Variants in FAM76A observed in about 807,000 individuals in gnomAD.
The protein encoded by FAM76A is protein FAM76A.
In FAM76A, 32 loss-of-function variants were observed where a neutral mutation model predicts 46.2. That is an observed-to-expected ratio of 0.69 (90% CI 0.52 to 0.93). The LOEUF is 0.93. Ranked by LOEUF, FAM76A falls within the 40% of genes least tolerant of loss-of-function variation. FAM76A has a pLI of 0.00. For missense variants in FAM76A, 274 were observed against 361.5 expected (o/e 0.76, Z 1.96); for synonymous variants, 137 against 127.0 (o/e 1.08, Z -0.53).
chr1:27,726,942 A>C (rs1355553646), intron 1 of FAM76A, among the ~76,000 whole-genome samples: 3 of 152,182 alleles, frequency 2.0e-5, no homozygotes, highest in African/African-American at 7.2e-5. Flanking sequence ...CCAATAATCC[A>C]GTTTGTGTCT....
chr1:27,750,109 G>C (rs2088308130), intron 6 of FAM76A, among the ~76,000 whole-genome samples: 1 of 152,134 alleles, frequency 6.6e-6, no homozygotes, highest in Non-Finnish European at 1.5e-5. Flanking sequence ...TGCGATCTTT[G>C]AAATCATCTC....
Position 27,726,069 on chromosome 1 carries a change from C to T in FAM76A, c.-12C>T, listed in dbSNP as rs2087852475. Reference sequence around the variant, plus strand: ...CGGGCCGGCGGGTCGGTGAGCGCGGCCCGGGCCGGACATGGCGGCGCTCTA... The same window carrying T: ...CGGGCCGGCGGGTCGGTGAGCGCGGTCCGGGCCGGACATGGCGGCGCTCTA... On this transcript the variant is annotated 5_prime_UTR_variant, in exon 1 of 9. Transcript: ENST00000373954. 4 of 1,247,838 alleles carry T rather than the reference C, an allele frequency of 3.2e-6. No homozygotes were observed. The highest frequency in any genetic ancestry group is 3.2e-5 in the East Asian group (1 of 31,482). The allele number at this position is 1,247,838 out of a possible 1,614,324, so 77.3% of individuals were successfully genotyped here.
Position 27,759,528 on chromosome 1 carries a change from TAC to T in FAM76A, c.740_741del (p.Thr247ArgfsTer5). ...QMILEKEKKI[T>X]ELKADFQYQE... Reference sequence around the variant, plus strand: ...TTATTCTGCCTTGTTTCCCTCAGATTACAGAGTTGAAGGCTGATTTTCAGTAC... The same window carrying T: ...TTATTCTGCCTTGTTTCCCTCAGATTAGAGTTGAAGGCTGATTTTCAGTAC... On this transcript the variant is annotated frameshift_variant, in exon 8 of 9. Transcript: ENST00000373954. LOFTEE classifies it high-confidence loss of function. The T allele has an allele frequency of 1.2e-6, 2 of 1,606,530 alleles. No individual in the cohort carries two copies. The highest frequency in any genetic ancestry group is 1.7e-6 in the Non-Finnish European group (2 of 1,176,942).
intron 4 of FAM76A, among the ~76,000 whole-genome samples, chr1:27,739,726 T>C (rs1176118376): frequency 6.6e-6 from 1 of 152,222 alleles, no homozygotes; most frequent in Admixed American, 6.5e-5. Flanking sequence ...AAGTCGAGGC[T>C]GCAGTGAGCC....
Position 27,734,089 on chromosome 1 carries a change from G to C in FAM76A, c.260G>C (p.Arg87Pro). ...IAAFIGNKCQ[R>P]CTNSEKKYGP... The stretch of plus-strand genomic sequence containing the variant: ...GCATTTATTGGGAATAAATGCCAGC[G>C]CTGCACAAATTCAGAAAAGAAGTAT... Residue 87 changes from arginine to proline, a missense_variant, in exon 4 of 9, where the codon CGC (arginine) becomes CCC (proline). By Grantham distance (103) the Arg-to-Pro change is moderately radical (BLOSUM62 -2). Transcript: ENST00000373954. 1 of 1,612,722 alleles carries C rather than the reference G, an allele frequency of 6.2e-7. No homozygotes were observed. Among genetic ancestry groups the C allele is most frequent in the Non-Finnish European group, 8.5e-7 (1 of 1,179,696 alleles).
chr1:27,747,766 A>AT (rs2088263628), intron 5 of FAM76A, among the ~76,000 whole-genome samples: 1 of 151,954 alleles, frequency 6.6e-6, no homozygotes, highest in South Asian at 2.1e-4. Flanking sequence ...AAAATACAAA[A>AT]TTAACTGGGT....
At chr1:27,732,749 A>G (rs2087981335) in intron 3 of FAM76A, 92 bp downstream of exon 3, 2 of 918,604 alleles carry the variant, frequency 2.2e-6, no homozygotes, top group African/African-American at 3.3e-5. Flanking sequence ...CAATATTTTT[A>G]TTAGAATAAA....
chr1:27,727,679 T>C (rs2087883911), intron 2 of FAM76A, 143 bp downstream of exon 2: 3 of 645,182 alleles, frequency 4.6e-6, no homozygotes, highest in Non-Finnish European at 8.2e-6. Flanking sequence ...ATACAGACTA[T>C]AATTGCTAAA....
chr1:27,730,244 T>TGGCACGATCTCGGCTCACTGCAAC (rs2087932150), intron 2 of FAM76A: 1 of 205,206 alleles, frequency 4.9e-6, no homozygotes. Context: ...TAGAGTGCAA[T>TGGCACGATCTCGGCTCACTGCAAC]GGCACGATCT....
chr1:27,762,816 T>C lies in FAM76A; in HGVS notation c.*2235T>C, dbSNP rs2088529099. The C allele has an allele frequency of 6.6e-6, 1 of 152,208 alleles. No individual in the cohort carries two copies. Among genetic ancestry groups the C allele is most frequent in the Admixed American group, 6.5e-5 (1 of 15,280 alleles). The allele number at this position is 152,208 out of a possible 1,614,324, so 9.4% of individuals were successfully genotyped here. On this transcript the variant is annotated 3_prime_UTR_variant, in exon 9 of 9. Coordinates refer to ENST00000373954, the MANE Select transcript of FAM76A (RefSeq NM_152660.3). ...TTCTGTTACATGATGTATGACAATA[T>C]AAAAACATACTTAGTTTTATACTAA... is the stretch of plus-strand genomic sequence containing the variant.
chr1:27,735,952 G>T (rs1203773735), intron 4 of FAM76A, among the ~76,000 whole-genome samples: 2 of 152,088 alleles, frequency 1.3e-5, no homozygotes, highest in African/African-American at 4.8e-5. Context: ...TTACAATCCT[G>T]TCTCAAGTAT....
intron 6 of FAM76A, among the ~76,000 whole-genome samples, chr1:27,752,589 G>A (rs75372110): frequency 0.038 from 5,714 of 152,130 alleles, 362 homozygotes; most frequent in African/African-American, 0.13. Context: ...TTAACTCGTA[G>A]TTTCATTTTA....
chr1:27,735,105 C>T (rs2088023058), intron 4 of FAM76A, among the ~76,000 whole-genome samples: 1 of 152,228 alleles, frequency 6.6e-6, no homozygotes, highest in African/African-American at 2.4e-5. Context: ...CCTGGCCACC[C>T]TGTAGTCTGT....
chr1:27,759,668 C>CAGGTAGGTACACAAT, intron 8 of FAM76A, 41 bp downstream of exon 8: 2 of 1,357,750 alleles, frequency 1.5e-6, no homozygotes, highest in Non-Finnish European at 1.0e-6. Context: ...AATTGTGTAC[C>CAGGTAGGTACACAAT]TACCTGGTAT....
chr1:27,752,319 CT>C (rs1372149289), intron 6 of FAM76A, among the ~76,000 whole-genome samples: 1 of 151,848 alleles, frequency 6.6e-6, no homozygotes, highest in Admixed American at 6.6e-5. Flanking sequence ...ATGCTTTAGT[CT>C]TTTTTTTCTA....
In FAM76A at chr1:27,755,336, G is replaced by A; in HGVS notation, c.735+6G>A. The A allele has an allele frequency of 6.2e-7, 1 of 1,614,008 alleles. No homozygotes were observed. Among genetic ancestry groups the A allele is most frequent in the East Asian group, 2.2e-5 (1 of 44,872 alleles). On this transcript the variant is annotated splice_donor_region_variant and intron_variant, in intron 7 of 8. Coordinates refer to ENST00000373954, the MANE Select transcript of FAM76A (RefSeq NM_152660.3). ...TTTTAGAGAAAGAGAAGAAGGTATGGTTTAGTTAATTCCTCTCTGACCAGA... is the reference window on the plus strand; with the variant it reads ...TTTTAGAGAAAGAGAAGAAGGTATGATTTAGTTAATTCCTCTCTGACCAGA...
intron 7 of FAM76A, among the ~76,000 whole-genome samples, chr1:27,757,063 AAAAC>A (rs1223886585): frequency 6.6e-6 from 1 of 151,952 alleles, no homozygotes; most frequent in Non-Finnish European, 1.5e-5. Flanking sequence ...CCTGTCTCCA[AAAAC>A]AAACAAAAAA....
chr1:27,748,399 C>T (rs1429660932), intron 5 of FAM76A, among the ~76,000 whole-genome samples: 1 of 150,904 alleles, frequency 6.6e-6, no homozygotes, highest in Non-Finnish European at 1.5e-5. Flanking sequence ...GCTGGGATTA[C>T]AGGCGTGAGC....
chr1:27,760,502 A>G lies in FAM76A; in HGVS notation c.845A>G (p.Asn282Ser), dbSNP rs1189862952. Residue 282 changes from asparagine to serine, a missense_variant, in exon 9 of 9, where the codon AAC (asparagine) becomes AGC (serine). Physicochemically the swap from Asn to Ser is conservative, Grantham distance 46 (BLOSUM62 1). Transcript: ENST00000373954. ...GATTTTTTTTTTCTTTAGGCCAAAA[A>G]CCGAGAGCTCCTGAAGCAGGCAGCT... Reference protein sequence around the residue: ...KEVTEQLQAKNRELLKQAAAL... With the variant: ...KEVTEQLQAKSRELLKQAAAL... The G allele has an allele frequency of 6.2e-7, 1 of 1,610,324 alleles. No individual in the cohort carries two copies. Among genetic ancestry groups the G allele is most frequent in the Non-Finnish European group, 8.5e-7 (1 of 1,178,004 alleles).
Sources: allele counts gnomAD v4.1 joint callset (sites outside exome capture counted in the v4.1 genomes callset), GRCh38; gene constraint gnomAD v4.1.1; transcripts MANE v1.5; gene names NCBI Gene and HGNC (gene_info 2026-07-23, HGNC 2026-07-21).